PRMT8: variants seen among roughly 807,000 people sequenced by gnomAD.
PRMT8 encodes protein arginine methyltransferase 8.
In PRMT8, 7 loss-of-function variants were observed where a neutral mutation model predicts 47.1. The observed-to-expected ratio is 0.15, with a 90% CI of 0.08 to 0.28. The LOEUF (loss-of-function observed/expected upper bound fraction) is 0.28, where lower values mean the gene tolerates loss of function less well. PRMT8 is among the 10% of genes least tolerant of loss of function. The pLI is 1.00. For synonymous variants in PRMT8, 188 were observed against 186.5 expected, an observed-to-expected ratio of 1.01 and a Z score of -0.07; for missense variants, 237 against 505.4, an observed-to-expected ratio of 0.47 and a Z score of 5.09.
intron 1 of PRMT8, among the ~76,000 whole-genome samples, chr12:3,396,521 G>A (rs1314671608): frequency 6.6e-6 from 1 of 152,152 alleles, no homozygotes; most frequent in Non-Finnish European, 1.5e-5. Context: ...TCTTTTCTTT[G>A]AGAACGTTGA....
chr12:3,590,594 A>G (rs1342702988), intron 8 of PRMT8, among the ~76,000 whole-genome samples: 5 of 151,396 alleles, frequency 3.3e-5, no homozygotes, highest in Non-Finnish European at 5.9e-5. Context: ...GAAGACCCTT[A>G]TCTTATCCCC....
rs866338232 is a variant in PRMT8, at chr12:3,552,817, G to T, written c.418-834G>T. On this transcript the variant is annotated intron_variant, in intron 3 of 9. Coordinates refer to ENST00000382622, the MANE Select transcript of PRMT8 (RefSeq NM_019854.5). The surrounding 1 kb of genome is among the most constrained non-coding windows in gnomAD (Gnocchi z 4.5). The stretch of plus-strand genomic sequence containing the variant: ...GCCCGAGGCCTGGGGGTAGTCTGAG[G>T]GGCCCCCAAGTGTGGAGGTGAGTAG... The T allele has an allele frequency of 2.2e-6, 1 of 459,754 alleles. No homozygotes were observed. Among genetic ancestry groups the T allele is most frequent in the Middle Eastern group, 3.4e-4 (1 of 2,940 alleles). The allele number at this position is 459,754 out of a possible 1,614,324, so 28.5% of individuals were successfully genotyped here. A position where few individuals can be genotyped will look rare whatever the true frequency, so the allele number is the denominator to read the frequency against.
intron 1 of PRMT8, among the ~76,000 whole-genome samples, chr12:3,448,597 C>G (rs111683479): frequency 6.6e-6 from 1 of 152,114 alleles, no homozygotes; most frequent in Middle Eastern, 3.2e-3. Context: ...TCACTGGCCT[C>G]TACCCACTAG....
chr12:3,531,449 G>A (rs972457811), intron 1 of PRMT8, among the ~76,000 whole-genome samples: 1 of 152,206 alleles, frequency 6.6e-6, no homozygotes, highest in Non-Finnish European at 1.5e-5. Context: ...GGAGGCTTGG[G>A]AGACAAGTGA....
At chr12:3,585,007 A>G (rs903254802) in intron 8 of PRMT8, among the ~76,000 whole-genome samples, 2 of 152,072 alleles carry the variant, frequency 1.3e-5, no homozygotes, top group African/African-American at 4.8e-5. Flanking sequence ...AAACAACCAC[A>G]CAGGATTCCA....
intron 1 of PRMT8, among the ~76,000 whole-genome samples, chr12:3,394,845 C>T (rs1864231985): frequency 1.3e-5 from 2 of 151,140 alleles, no homozygotes; most frequent in African/African-American, 4.8e-5. Context: ...TGGTCCTGGA[C>T]TCTTTTTGGT....
intron 1 of PRMT8, among the ~76,000 whole-genome samples, chr12:3,537,544 T>C (rs1866140079): frequency 6.6e-6 from 1 of 152,232 alleles, no homozygotes; most frequent in Non-Finnish European, 1.5e-5. Context: ...ACATCTTCTC[T>C]TATATGACTC....
At chr12:3,441,359 C>G (rs1864799552) in intron 1 of PRMT8, among the ~76,000 whole-genome samples, 1 of 152,234 alleles carries the variant, frequency 6.6e-6, no homozygotes, top group Non-Finnish European at 1.5e-5. Flanking sequence ...GTGGGGAAGA[C>G]ATATTTCTGA....
intron 1 of PRMT8, among the ~76,000 whole-genome samples, chr12:3,462,353 T>A (rs758945221): frequency 6.6e-6 from 1 of 151,904 alleles, no homozygotes; most frequent in Non-Finnish European, 1.5e-5. Flanking sequence ...ACAAGAAGGT[T>A]TTTAAAGGCA....
chr12:3,530,944 G>A (rs1866021190), intron 1 of PRMT8, among the ~76,000 whole-genome samples: 1 of 152,216 alleles, frequency 6.6e-6, no homozygotes, highest in South Asian at 2.1e-4. Flanking sequence ...ACCGAGGATA[G>A]GGAAGGCTCA....
intron 1 of PRMT8, among the ~76,000 whole-genome samples, chr12:3,496,214 A>ATTTTTTTTTTTTTTTTTTTTTTT (rs1555085718): frequency 7.2e-5 from 2 of 27,754 alleles, no homozygotes; most frequent in Non-Finnish European, 1.6e-4. Flanking sequence ...ATATATATAT[A>ATTTTTTTTTTTTTTTTTTTTTTT]TTTTTTTTTT....
At chr12:3,385,879 A>G (rs1565395440) in intron 1 of PRMT8, among the ~76,000 whole-genome samples, 1 of 151,366 alleles carries the variant, frequency 6.6e-6, no homozygotes, top group African/African-American at 2.4e-5. Context: ...GTAGCTATTC[A>G]TGACTGACTC....
intron 1 of PRMT8, among the ~76,000 whole-genome samples, chr12:3,494,799 G>A (rs145168872): frequency 1.2e-4 from 18 of 152,230 alleles, no homozygotes; most frequent in African/African-American, 4.3e-4. Flanking sequence ...GGCAATGGGT[G>A]GCCCTGGGGG....
intron 1 of PRMT8, among the ~76,000 whole-genome samples, chr12:3,528,022 A>T (rs2137149644): frequency 6.6e-6 from 1 of 152,090 alleles, no homozygotes; most frequent in South Asian, 2.1e-4. Context: ...TGTCATTCTT[A>T]TCTTAGTTCC....
chr12:3,490,662 G>A (rs1380155845), upstream of PRMT8, among the ~76,000 whole-genome samples: 3 of 118,108 alleles, frequency 2.5e-5, no homozygotes, highest in African/African-American at 8.9e-5. Flanking sequence ...GAGTCCCAAG[G>A]GCTTTGGGTA....
At position 3,540,789 on chromosome 12, in the gene PRMT8, G is replaced by A. The variant is rs1414773632; in HGVS notation, c.259G>A (p.Glu87Lys). Residue 87 changes from glutamate to lysine, a missense_variant and splice_region_variant, in exon 2 of 10, where the codon GAG (glutamate) becomes AAG (lysine). By Grantham distance (56) the Glu-to-Lys change is moderately conservative. Coordinates refer to ENST00000382622, the MANE Select transcript of PRMT8 (RefSeq NM_019854.5). ...CTCCTATGCCCACTTTGGGATCCAC[G>A]AGGTAAAGTGTCCCGAGTGGGTGGC... ...FDSYAHFGIH[E>K]EMLKDEVRTL... is the part of the protein sequence containing the mutation. 1 of 1,613,346 alleles carries A rather than the reference G, an allele frequency of 6.2e-7. No individual in the cohort carries two copies. Among genetic ancestry groups the A allele is most frequent in the Admixed American group, 1.7e-5 (1 of 59,976 alleles).
At chr12:3,543,163 C>G (rs1011011975) in intron 2 of PRMT8, among the ~76,000 whole-genome samples, 5 of 152,214 alleles carry the variant, frequency 3.3e-5, no homozygotes, top group African/African-American at 7.2e-5. Flanking sequence ...TTCTGGACAT[C>G]TAGCTTAAAT....
At chr12:3,443,363 C>T (rs1462993270) in intron 1 of PRMT8, among the ~76,000 whole-genome samples, 1 of 152,128 alleles carries the variant, frequency 6.6e-6, no homozygotes, top group Non-Finnish European at 1.5e-5. Flanking sequence ...CCGGCTTTGT[C>T]TCTCCCCTCC....
At chr12:3,462,762 C>T (rs1865055209) in intron 1 of PRMT8, 2 of 151,960 alleles carry the variant, frequency 1.3e-5, no homozygotes. Flanking sequence ...GGGCAATAGT[C>T]CCCTGCCTGC....
Sources: allele counts gnomAD v4.1 joint callset (sites outside exome capture counted in the v4.1 genomes callset), GRCh38; gene constraint gnomAD v4.1.1; non-coding constraint Gnocchi (gnomAD v3.1); transcripts MANE v1.5; gene names NCBI Gene and HGNC (gene_info 2026-07-23, HGNC 2026-07-21).